Variants in BAIAP2L1 observed in about 807,000 individuals in gnomAD.
BAIAP2L1 encodes the protein BAR/IMD domain containing adaptor protein 2 like 1.
In BAIAP2L1, 35 loss-of-function variants were observed where a neutral mutation model predicts 66.3. The ratio of observed to expected loss-of-function variants is 0.53; its 90% CI spans 0.40 to 0.70. The LOEUF is 0.70. BAIAP2L1 is among the 30% of genes least tolerant of loss of function. The pLI, the probability that BAIAP2L1 is intolerant of heterozygous loss-of-function variation, is 0.00. For synonymous variants in BAIAP2L1, 269 were observed against 248.7 expected (o/e 1.08, Z -0.77); for missense variants, 622 against 656.9 (o/e 0.95, Z 0.58).
chr7:98,355,781 C>T lies in BAIAP2L1; in HGVS notation c.128-653G>A, dbSNP rs539252555. 1.2e-4 allele frequency among the ~76,000 whole-genome samples: 19 copies of T among 152,184 alleles called. No individual in the cohort carries two copies. The South Asian group carries it at 2.3e-3, about 18-fold the overall frequency. ...CATCCTCTCCAGCCAGAAATCTTTT[C>T]TGAGCTAGTTCTTCTCCAGCACTCC... On this transcript the variant is annotated intron_variant, in intron 2 of 13. Transcript: ENST00000005260.
intron 3 of BAIAP2L1, among the ~76,000 whole-genome samples, chr7:98,349,604 GGTTCA>G (rs1801954564): frequency 6.6e-6 from 1 of 152,074 alleles, no homozygotes. Flanking sequence ...TGGGTGCAGT[GGTTCA>G]CACCTGTAAT....
At chr7:98,339,398 C>T (rs911129464) in intron 3 of BAIAP2L1, among the ~76,000 whole-genome samples, 58 of 152,208 alleles carry the variant, frequency 3.8e-4, no homozygotes, top group African/African-American at 1.4e-3. Flanking sequence ...TGCTTGTTGG[C>T]ACTCTTACTT....
In BAIAP2L1 at chr7:98,320,058, G is replaced by C; in HGVS notation, c.348C>G (p.Asn116Lys). ...GGCTGGAGGAAAACCATGCACTTAC[G>C]TTCATATATTTCACGTCAAGTTCTA... ...KKIELDVKYM[N>K]ATLKRYQTEH... Residue 116 changes from asparagine to lysine, a missense_variant and splice_region_variant, in exon 5 of 14, where the codon AAC becomes AAG. Coordinates refer to ENST00000005260, the MANE Select transcript of BAIAP2L1 (RefSeq NM_018842.5). 6.2e-7 allele frequency: 1 copy of C among 1,612,496 alleles called. No individual in the cohort carries two copies. Among genetic ancestry groups the C allele is most frequent in the Non-Finnish European group, 8.5e-7 (1 of 1,179,052 alleles).
In BAIAP2L1 at chr7:98,400,869, C is replaced by G. The variant is rs943706541; in HGVS notation, c.-17G>C. On this transcript the variant is annotated 5_prime_UTR_variant, in exon 1 of 14. Transcript: ENST00000005260. ...CCGGGACATGGCTGCGGCCGCCGGG[C>G]GAGCAAGCGCGGGAGGACGCGGCTG... 2 of 1,535,598 alleles carry G rather than the reference C, an allele frequency of 1.3e-6. No homozygotes were observed. The highest frequency in any genetic ancestry group is 2.8e-5 in the African/African-American group (2 of 70,834).
intron 6 of BAIAP2L1, among the ~76,000 whole-genome samples, 168 bp downstream of exon 6, chr7:98,317,051 C>T (rs189644918): frequency 6.6e-6 from 1 of 152,212 alleles, no homozygotes; most frequent in Non-Finnish European, 1.5e-5. Flanking sequence ...CAAGGTTTCA[C>T]CACATTGGCC....
At chr7:98,351,094 C>T (rs1254336818) in intron 3 of BAIAP2L1, among the ~76,000 whole-genome samples, 1 of 152,096 alleles carries the variant, frequency 6.6e-6, no homozygotes, top group African/African-American at 2.4e-5. Context: ...CTCCTGACCT[C>T]GGGTGATCCG....
At position 98,338,229 on chromosome 7, in the gene BAIAP2L1, G is replaced by C. The variant is rs565074966; in HGVS notation, c.214+16813C>G. Among the ~76,000 whole-genome samples, 19 of 152,094 alleles carry C rather than the reference G, an allele frequency of 1.2e-4. 1 individual carries two copies. The highest frequency in any genetic ancestry group is 5.8e-4 in the East Asian group (3 of 5,142). ...GGGTGGATCACGAGGTCAGGAGATCGAGACCACGGTGAAAACCCGTCTCTA... is the reference window on the plus strand; with the variant it reads ...GGGTGGATCACGAGGTCAGGAGATCCAGACCACGGTGAAAACCCGTCTCTA... On this transcript the variant is annotated intron_variant, in intron 3 of 13. Coordinates refer to ENST00000005260, the MANE Select transcript of BAIAP2L1 (RefSeq NM_018842.5).
At chr7:98,377,554 C>G (rs1174513400) in intron 1 of BAIAP2L1, among the ~76,000 whole-genome samples, 1 of 152,200 alleles carries the variant, frequency 6.6e-6, no homozygotes, top group African/African-American at 2.4e-5. Context: ...CCCGGTGGCT[C>G]ACGCCTGTAA....
chr7:98,294,056 G>T lies in BAIAP2L1; in HGVS notation c.1460+18C>A, dbSNP rs371780461. ...AGCAATGTCACACACTGAGGCTCAC[G>T]TAGGAAGCCACGCCTACCTGAGAAA... is the stretch of plus-strand genomic sequence containing the variant. On this transcript the variant is annotated intron_variant, in intron 13 of 13. Transcript: ENST00000005260. 123 of 1,613,224 alleles carry T rather than the reference G, an allele frequency of 7.6e-5. No individual in the cohort carries two copies. Among genetic ancestry groups the T allele is most frequent in the Non-Finnish European group, 9.7e-5 (114 of 1,179,244 alleles).
intron 3 of BAIAP2L1, among the ~76,000 whole-genome samples, chr7:98,335,170 AAAAAAAAAAT>A (rs1459880455): frequency 6.7e-6 from 1 of 148,790 alleles, no homozygotes; most frequent in Non-Finnish European, 1.5e-5. Flanking sequence ...AAAAAAAAAA[AAAAAAAAAAT>A]TTATCTCCCA....
chr7:98,324,282 T>C (rs1259380002), intron 3 of BAIAP2L1, among the ~76,000 whole-genome samples: 1 of 152,192 alleles, frequency 6.6e-6, no homozygotes, highest in Non-Finnish European at 1.5e-5. Context: ...TCGAAGACAT[T>C]TTCTGCCATC....
chr7:98,398,590 CTGGTCTTTGA>C (rs1803275633), intron 1 of BAIAP2L1, among the ~76,000 whole-genome samples: 1 of 152,130 alleles, frequency 6.6e-6, no homozygotes, highest in Non-Finnish European at 1.5e-5. Context: ...CTATCAGGTA[CTGGTCTTTGA>C]TCTCCATTTA....
intron 12 of BAIAP2L1, among the ~76,000 whole-genome samples, chr7:98,297,146 A>G (rs1800226279): frequency 2.0e-5 from 3 of 152,226 alleles, no homozygotes. Flanking sequence ...GAGCGAGGCC[A>G]CCAAGCGGCT....
rs755682093 is a variant in BAIAP2L1, at chr7:98,310,435, A to G, written c.955+10T>C. On this transcript the variant is annotated intron_variant, in intron 9 of 13. Coordinates refer to ENST00000005260, the MANE Select transcript of BAIAP2L1 (RefSeq NM_018842.5). ...AGGTATCTTCAAATAAATCAGACTG[A>G]ATCTCTTACCTGTTGAATTATTTAC... The G allele has an allele frequency of 6.3e-6, 10 of 1,577,340 alleles. No individual in the cohort carries two copies. In the South Asian group the frequency reaches 1.1e-4, roughly 17 times the overall value.
chr7:98,312,369 CAGG>C, intron 7 of BAIAP2L1, 105 bp from the exon 8 acceptor site: 1 of 1,298,790 alleles, frequency 7.7e-7, no homozygotes, highest in East Asian at 2.4e-5. Flanking sequence ...GGCTTAGCAC[CAGG>C]AGTGTGGGGG....
At chr7:98,359,090 C>G (rs528750768) in intron 2 of BAIAP2L1, among the ~76,000 whole-genome samples, 2 of 152,198 alleles carry the variant, frequency 1.3e-5, no homozygotes, top group African/African-American at 4.8e-5. Context: ...CAGCCCCACA[C>G]GGGCCGCAGA....
intron 5 of BAIAP2L1, among the ~76,000 whole-genome samples, chr7:98,317,714 G>A (rs547689542): frequency 1.3e-3 from 195 of 146,234 alleles, no homozygotes; most frequent in African/African-American, 3.9e-3. Flanking sequence ...CCATCACCCC[G>A]CAGTTCACAC....
intron 3 of BAIAP2L1, among the ~76,000 whole-genome samples, chr7:98,351,333 G>C (rs1195229804): frequency 2.6e-5 from 4 of 152,206 alleles, no homozygotes; most frequent in East Asian, 3.8e-4. Flanking sequence ...GTTGAAAACA[G>C]ACCTTTAATA....
At chr7:98,310,625 T>C (rs746378034) in intron 8 of BAIAP2L1, 33 bp from the exon 9 acceptor site, 1 of 1,510,440 alleles carries the variant, frequency 6.6e-7, no homozygotes, top group South Asian at 1.3e-5. Flanking sequence ...CCAATATTAG[T>C]ATAGTGCAGA....
Sources: allele counts gnomAD v4.1 joint callset (sites outside exome capture counted in the v4.1 genomes callset), GRCh38; gene constraint gnomAD v4.1.1; transcripts MANE v1.5; gene names NCBI Gene and HGNC (gene_info 2026-07-23, HGNC 2026-07-21).